Variants in NUMB observed in about 807,000 individuals in gnomAD.
The protein encoded by NUMB is NUMB endocytic adaptor protein, also known as protein numb homolog.
NUMB carries 29 observed loss-of-function variants against 59.7 expected under a neutral mutation model. That is an observed-to-expected ratio of 0.49 (90% CI 0.36 to 0.66). The LOEUF (loss-of-function observed/expected upper bound fraction) is 0.66, where lower values mean the gene tolerates loss of function less well. NUMB is among the 30% of genes least tolerant of loss of function. The probability of loss-of-function intolerance (pLI) is 0.00; values close to 1 mark genes in which losing one functional copy is unlikely to be tolerated. For synonymous variants in NUMB, 288 were observed against 288.2 expected (o/e 1.00, Z 0.01); for missense variants, 723 against 822.0 (o/e 0.88, Z 1.47).
chr14:73,295,382 T>C (rs1889708616), intron 7 of NUMB, among the ~76,000 whole-genome samples: 1 of 152,216 alleles, frequency 6.6e-6, no homozygotes, highest in Non-Finnish European at 1.5e-5. Context: ...GTGGTGTAAG[T>C]AGCCACAAGG....
intron 4 of NUMB, among the ~76,000 whole-genome samples, chr14:73,351,703 G>A (rs1019910895): frequency 3.3e-5 from 5 of 151,804 alleles, no homozygotes; most frequent in South Asian, 2.1e-4. Context: ...GGGGCCAGGC[G>A]CGGTGGCTCA....
At chr14:73,365,428 T>G (rs978657071) in intron 3 of NUMB, among the ~76,000 whole-genome samples, 5 of 152,116 alleles carry the variant, frequency 3.3e-5, no homozygotes, top group African/African-American at 9.7e-5. Context: ...TATTCTACGA[T>G]CAAGGACAGT....
chr14:73,367,843 G>A (rs908863005), intron 2 of NUMB, among the ~76,000 whole-genome samples: 1 of 149,412 alleles, frequency 6.7e-6, no homozygotes, highest in African/African-American at 2.5e-5. Context: ...GAAATAAACA[G>A]AAAGAGACAG....
At chr14:73,407,605 T>C (rs201625558) in intron 2 of NUMB, among the ~76,000 whole-genome samples, 1 of 152,242 alleles carries the variant, frequency 6.6e-6, no homozygotes, top group Non-Finnish European at 1.5e-5. Flanking sequence ...TTTTCCATTA[T>C]AGAATTTTAC....
At chr14:73,282,285 C>G (rs1777686792) in intron 11 of NUMB, 74 bp downstream of exon 11, 1 of 1,496,638 alleles carries the variant, frequency 6.7e-7, no homozygotes. Context: ...AGGATGCCAA[C>G]TTACAGTTAG....
chr14:73,336,913 A>G (rs186269004), intron 4 of NUMB, among the ~76,000 whole-genome samples: 1 of 152,282 alleles, frequency 6.6e-6, no homozygotes, highest in African/African-American at 2.4e-5. Context: ...AGTGGAATAA[A>G]CCAATTAACA....
At chr14:73,449,666 G>A (rs907484461) in intron 1 of NUMB, among the ~76,000 whole-genome samples, 2 of 150,610 alleles carry the variant, frequency 1.3e-5, no homozygotes, top group African/African-American at 4.9e-5. Context: ...ACAAACTGAA[G>A]TAGTAAATGT....
At chr14:73,281,950 T>C (rs1287226979) in intron 11 of NUMB, among the ~76,000 whole-genome samples, 1 of 152,078 alleles carries the variant, frequency 6.6e-6, no homozygotes, top group Non-Finnish European at 1.5e-5. Context: ...CCAAAATGTC[T>C]CCAGACAGTG....
chr14:73,333,849 T>C, intron 4 of NUMB, among the ~76,000 whole-genome samples: 1 of 152,070 alleles, frequency 6.6e-6, no homozygotes, highest in Non-Finnish European at 1.5e-5. Flanking sequence ...TGAAGAATTG[T>C]ATGGTTTTAG....
chr14:73,351,889 T>C (rs1476848317), intron 4 of NUMB, among the ~76,000 whole-genome samples: 2 of 151,570 alleles, frequency 1.3e-5, no homozygotes, highest in Non-Finnish European at 2.9e-5. Context: ...GGCAGGAGAA[T>C]GGCTTGAACC....
chr14:73,430,876 C>A lies in NUMB; in HGVS notation c.-232-20808G>T, dbSNP rs372572797. Reference sequence around the variant, plus strand: ...AGGAGAATGGTGTGAACCAGGGAGGCGGAGCTTGCAGTGAGCCGAGATTGC... The same window carrying A: ...AGGAGAATGGTGTGAACCAGGGAGGAGGAGCTTGCAGTGAGCCGAGATTGC... On this transcript the variant is annotated intron_variant, in intron 1 of 12. Coordinates refer to ENST00000555238, the MANE Select transcript of NUMB (RefSeq NM_001005743.2). Among the ~76,000 whole-genome samples, 34 of 151,330 alleles carry A rather than the reference C, an allele frequency of 2.2e-4. 1 individual carries two copies. The highest frequency in any genetic ancestry group is 1.6e-3 in the East Asian group (8 of 5,094).
intron 4 of NUMB, among the ~76,000 whole-genome samples, chr14:73,346,475 T>G (rs966080837): frequency 7.0e-6 from 1 of 142,930 alleles, no homozygotes; most frequent in African/African-American, 2.8e-5. Context: ...AGTGAAACTC[T>G]GTCTCAAAAA....
intron 4 of NUMB, among the ~76,000 whole-genome samples, chr14:73,345,161 A>C (rs1338224135): frequency 1.3e-5 from 2 of 152,198 alleles, no homozygotes; most frequent in African/African-American, 4.8e-5. Context: ...GAAAACAATA[A>C]AGTCATTAAA....
intron 6 of NUMB, chr14:73,297,906 T>G (rs1443650433): frequency 6.6e-6 from 1 of 152,078 alleles, no homozygotes; most frequent in African/African-American, 2.4e-5. Context: ...TTTTTTTTCT[T>G]GAGACAGAGT....
chr14:73,420,548 A>G (rs1177633274), intron 1 of NUMB, among the ~76,000 whole-genome samples: 1 of 152,174 alleles, frequency 6.6e-6, no homozygotes, highest in Non-Finnish European at 1.5e-5. Flanking sequence ...GGCCAGGCAC[A>G]GTGGCTCACA....
intron 2 of NUMB, among the ~76,000 whole-genome samples, chr14:73,375,490 T>C (rs117946132): frequency 1.2e-3 from 178 of 152,330 alleles, no homozygotes; most frequent in Admixed American, 1.9e-3. Context: ...AAAAAATCTT[T>C]ATATAATGCA....
intron 6 of NUMB, among the ~76,000 whole-genome samples, chr14:73,308,283 C>G (rs1940991397): frequency 6.6e-6 from 1 of 152,004 alleles, no homozygotes; most frequent in Admixed American, 6.6e-5. Context: ...AAGTCAAGGT[C>G]AAATCCAGGG....
intron 2 of NUMB, among the ~76,000 whole-genome samples, chr14:73,370,688 G>C (rs1894627401): frequency 6.7e-6 from 1 of 149,452 alleles, no homozygotes; most frequent in Non-Finnish European, 1.5e-5. Flanking sequence ...GTGAAACTCC[G>C]CCTCAAAAAG....
rs147076690 is a variant in NUMB at position 73,325,392 on chromosome 14, C to T, written c.127-2188G>A. Among the ~76,000 whole-genome samples, 406 of 151,896 alleles carry T rather than the reference C, an allele frequency of 2.7e-3. 4 individuals carry two copies. The highest frequency in any genetic ancestry group is 8.6e-3 in the African/African-American group (355 of 41,344). ...TTGCTTAAGCCCAGGAGTCCAAGGC[C>T]GCAGTGAGCTATGATCACACCACAG... is the stretch of plus-strand genomic sequence containing the variant. On this transcript the variant is annotated intron_variant, in intron 4 of 12. Transcript: ENST00000555238.
Sources: allele counts gnomAD v4.1 joint callset (sites outside exome capture counted in the v4.1 genomes callset), GRCh38; gene constraint gnomAD v4.1.1; transcripts MANE v1.5; gene names NCBI Gene and HGNC (gene_info 2026-07-23, HGNC 2026-07-21).